The following TMEM117 variants were observed in gnomAD, a reference collection of about 807,000 sequenced individuals.
TMEM117 encodes transmembrane protein 117.
In TMEM117, 27 loss-of-function variants were observed where a neutral mutation model predicts 52.4. That is an observed-to-expected ratio of 0.51 (90% confidence interval 0.38 to 0.71). The LOEUF (loss-of-function observed/expected upper bound fraction) is 0.71, where lower values mean the gene tolerates loss of function less well. Among genes scored for constraint, TMEM117 ranks in the 30% least tolerant of loss-of-function variants. The probability of loss-of-function intolerance (pLI) is 0.00; values close to 1 mark genes in which losing one functional copy is unlikely to be tolerated. For missense variants in TMEM117, 556 were observed against 630.5 expected (o/e 0.88, Z 1.26); for synonymous variants, 215 against 206.3 (o/e 1.04, Z -0.36).
intron 3 of TMEM117, among the ~76,000 whole-genome samples, chr12:44,131,891 A>G (rs978939709): frequency 2.0e-5 from 3 of 152,122 alleles, no homozygotes; most frequent in Admixed American, 6.6e-5. Flanking sequence ...TCTGAAAAAT[A>G]TCTTTATTCT....
the TMEM117 span, among the ~76,000 whole-genome samples, chr12:44,398,544 G>T: frequency 6.6e-6 from 1 of 152,158 alleles, no homozygotes; most frequent in African/African-American, 2.4e-5. Flanking sequence ...AAGAGACCAG[G>T]CTGTATTCTA....
At chr12:43,889,078 T>C (rs1944053082) in intron 2 of TMEM117, among the ~76,000 whole-genome samples, 1 of 140,786 alleles carries the variant, frequency 7.1e-6, no homozygotes, top group East Asian at 2.0e-4. Context: ...TCCTCAGGCG[T>C]TGGATTCTTT....
chr12:44,236,002 G>C (rs573360396), intron 5 of TMEM117, among the ~76,000 whole-genome samples: 1 of 151,694 alleles, frequency 6.6e-6, no homozygotes, highest in South Asian at 2.1e-4. Flanking sequence ...TCCTTTCTCT[G>C]TAGCTACTTT....
chr12:43,960,473 G>A (rs778611403), intron 3 of TMEM117, among the ~76,000 whole-genome samples: 17 of 152,174 alleles, frequency 1.1e-4, no homozygotes, highest in Non-Finnish European at 2.2e-4. Flanking sequence ...AAATAGCACA[G>A]CATATCCAAA....
intron 3 of TMEM117, among the ~76,000 whole-genome samples, chr12:44,089,591 C>T (rs1947628865): frequency 6.6e-6 from 1 of 152,142 alleles, no homozygotes; most frequent in African/African-American, 2.4e-5. Flanking sequence ...TGCACTTTTG[C>T]TCATGTGACT....
chr12:44,096,301 T>C (rs552659025), intron 3 of TMEM117, among the ~76,000 whole-genome samples: 214 of 152,226 alleles, frequency 1.4e-3, no homozygotes, highest in African/African-American at 4.7e-3. Context: ...AGGTAATTTA[T>C]AGATTCAATG....
chr12:44,182,847 T>C (rs898490571), intron 4 of TMEM117, among the ~76,000 whole-genome samples: 2 of 152,148 alleles, frequency 1.3e-5, no homozygotes, highest in Non-Finnish European at 1.5e-5. Context: ...AGAAATAACT[T>C]CATTTGATGT....
chr12:43,923,127 G>A (rs1472764407), intron 2 of TMEM117, among the ~76,000 whole-genome samples: 1 of 152,098 alleles, frequency 6.6e-6, no homozygotes, highest in Non-Finnish European at 1.5e-5. Flanking sequence ...CTTTCAAAAT[G>A]GTCTATCAGA....
intron 6 of TMEM117, among the ~76,000 whole-genome samples, chr12:44,331,560 AATG>A (rs1371112675): frequency 6.6e-6 from 1 of 152,046 alleles, no homozygotes; most frequent in African/African-American, 2.4e-5. Flanking sequence ...AGGAACTTCA[AATG>A]ATAAGATAAG....
intron 3 of TMEM117, among the ~76,000 whole-genome samples, chr12:44,078,595 A>C (rs1381292588): frequency 6.6e-6 from 1 of 152,180 alleles, no homozygotes; most frequent in African/African-American, 2.4e-5. Context: ...TTACATGTTT[A>C]CATTTCAATT....
intron 3 of TMEM117, among the ~76,000 whole-genome samples, chr12:43,988,508 A>C (rs1945884270): frequency 6.6e-6 from 1 of 152,122 alleles, no homozygotes; most frequent in African/African-American, 2.4e-5. Context: ...ATTGCAGCAA[A>C]TTAGAATGAA....
At chr12:44,358,232 A>G (rs965597573) in intron 6 of TMEM117, among the ~76,000 whole-genome samples, 3 of 152,086 alleles carry the variant, frequency 2.0e-5, no homozygotes, top group Admixed American at 6.6e-5. Context: ...GCTCAGTACT[A>G]TGGTGACAGG....
At chr12:44,212,996 C>A (rs28397962) in intron 5 of TMEM117, among the ~76,000 whole-genome samples, 16,141 of 152,100 alleles carry the variant, frequency 0.11, 942 homozygotes, top group Middle Eastern at 0.2. Flanking sequence ...GATTTTTTAG[C>A]TGTGTATTCA....
intron 2 of TMEM117, among the ~76,000 whole-genome samples, chr12:43,866,001 T>A (rs950716946): frequency 6.6e-6 from 1 of 151,826 alleles, no homozygotes; most frequent in South Asian, 2.1e-4. Context: ...GAAAAAGTAG[T>A]TAATAGAAAC....
chr12:44,291,534 T>A (rs77894109), intron 5 of TMEM117, among the ~76,000 whole-genome samples: 2,298 of 152,132 alleles, frequency 0.015, 60 homozygotes, highest in African/African-American at 0.053. Context: ...AGTACCATGT[T>A]AAATAGAAAT....
rs185136384 is a variant in TMEM117 at position 44,192,683 on chromosome 12, G to A, written c.511-18607G>A. 4.6e-5 allele frequency among the ~76,000 whole-genome samples: 7 copies of A among 152,250 alleles called. No homozygotes were observed. The East Asian group carries it at 1.2e-3, about 25-fold the overall frequency. ...AAAAAATATTACTTCATTAAATATT[G>A]TTAACATTAGTGAAATACACACAGA... On this transcript the variant is annotated intron_variant, in intron 4 of 7. Transcript: ENST00000266534.
intron 3 of TMEM117, among the ~76,000 whole-genome samples, chr12:44,059,852 T>C (rs946884840): frequency 1.3e-5 from 2 of 152,234 alleles, no homozygotes; most frequent in Admixed American, 1.3e-4. Context: ...ATGAGGATTG[T>C]TGTGACAGCT....
chr12:44,187,388 T>G (rs983635245), intron 4 of TMEM117, among the ~76,000 whole-genome samples: 1 of 152,140 alleles, frequency 6.6e-6, no homozygotes, highest in Non-Finnish European at 1.5e-5. Flanking sequence ...GACTGTATAG[T>G]TCTTCATATT....
At chr12:44,277,152 T>C (rs567141009) in intron 5 of TMEM117, among the ~76,000 whole-genome samples, 2 of 152,288 alleles carry the variant, frequency 1.3e-5, no homozygotes, top group South Asian at 4.1e-4. Context: ...CTTTCAATGC[T>C]AATTTTTATT....
Sources: allele counts gnomAD v4.1 joint callset (sites outside exome capture counted in the v4.1 genomes callset), GRCh38; gene constraint gnomAD v4.1.1; transcripts MANE v1.5; gene names NCBI Gene and HGNC (gene_info 2026-07-23, HGNC 2026-07-21).